Variants in LRBA observed in about 807,000 individuals in gnomAD.
LRBA encodes the protein lipopolysaccharide-responsive and beige-like anchor protein.
In LRBA, 176 loss-of-function variants were observed where a neutral mutation model predicts 330.0. The observed-to-expected ratio is 0.53, with a 90% CI of 0.47 to 0.60. The LOEUF (loss-of-function observed/expected upper bound fraction) is 0.60, where lower values mean the gene tolerates loss of function less well. Among genes scored for constraint, LRBA ranks in the 20% least tolerant of loss-of-function variants. The probability of loss-of-function intolerance (pLI) is 0.00; values close to 1 mark genes in which losing one functional copy is unlikely to be tolerated. For synonymous variants in LRBA, 1,230 were observed against 1,193.0 expected (o/e 1.03, Z -0.64); for missense variants, 3,259 against 3,444.8 (o/e 0.95, Z 1.35).
At chr4:150,541,369 G>A (rs1765303184) in intron 40 of LRBA, among the ~76,000 whole-genome samples, 1 of 152,094 alleles carries the variant, frequency 6.6e-6, no homozygotes, top group African/African-American at 2.4e-5. Context: ...GGAAAAACTG[G>A]GACAGGAGAA....
intron 17 of LRBA, among the ~76,000 whole-genome samples, chr4:150,887,584 C>A (rs1487985572): frequency 6.6e-6 from 1 of 151,690 alleles, no homozygotes; most frequent in Non-Finnish European, 1.5e-5. Flanking sequence ...CTGGCTAATA[C>A]GGTGAAACCC....
At chr4:150,437,497 C>T (rs1462269839) in intron 44 of LRBA, among the ~76,000 whole-genome samples, 5 of 135,248 alleles carry the variant, frequency 3.7e-5, no homozygotes, top group Admixed American at 3.6e-4. Flanking sequence ...CATGAACTCT[C>T]TCTCTCTCTC....
chr4:150,698,330 C>G (rs1050349855), intron 36 of LRBA, among the ~76,000 whole-genome samples: 1 of 151,964 alleles, frequency 6.6e-6, no homozygotes, highest in Non-Finnish European at 1.5e-5. Flanking sequence ...CCAGAAGATA[C>G]CATAAACTGA....
intron 56 of LRBA, 32 bp from the exon 57 acceptor site, chr4:150,265,844 A>G: frequency 7.4e-7 from 1 of 1,346,678 alleles, no homozygotes; most frequent in Non-Finnish European, 1.1e-6. Context: ...GGACTTTTAC[A>G]AACCTGTGTG....
intron 48 of LRBA, among the ~76,000 whole-genome samples, chr4:150,339,873 T>A (rs968397173): frequency 7.4e-5 from 11 of 148,826 alleles, no homozygotes; most frequent in African/African-American, 2.2e-4. Context: ...ATTATGATAA[T>A]ACGGTTTGGC....
intron 40 of LRBA, among the ~76,000 whole-genome samples, chr4:150,528,393 C>G (rs1004812159): frequency 6.6e-6 from 1 of 151,266 alleles, no homozygotes; most frequent in Non-Finnish European, 1.5e-5. Context: ...CTTAGCTACT[C>G]GGGATGCTGA....
intron 44 of LRBA, among the ~76,000 whole-genome samples, chr4:150,465,215 G>A (rs1755295211): frequency 1.3e-5 from 2 of 152,106 alleles, no homozygotes; most frequent in South Asian, 4.2e-4. Flanking sequence ...TATTCATGTT[G>A]TAGCATATGT....
At chr4:150,538,386 T>C (rs575421606) in intron 40 of LRBA, among the ~76,000 whole-genome samples, 2 of 152,236 alleles carry the variant, frequency 1.3e-5, no homozygotes, top group African/African-American at 4.8e-5. Flanking sequence ...GGAATCAACC[T>C]AGATGCCCAG....
At chr4:150,999,746 CCT>C (rs929654447) in intron 2 of LRBA, among the ~76,000 whole-genome samples, 5 of 152,030 alleles carry the variant, frequency 3.3e-5, no homozygotes, top group Non-Finnish European at 7.4e-5. Context: ...TAATATACCC[CCT>C]GAGGCTCCAG....
intron 40 of LRBA, chr4:150,580,873 G>A (rs1347747545): frequency 2.0e-5 from 3 of 152,942 alleles, no homozygotes; most frequent in Non-Finnish European, 4.4e-5. Context: ...TCAATAACAG[G>A]ATAGTTATAG....
At chr4:150,639,588 C>CAA (rs879128535) in intron 37 of LRBA, among the ~76,000 whole-genome samples, 50 of 46,218 alleles carry the variant, frequency 1.1e-3, no homozygotes, top group African/African-American at 3.2e-3. Flanking sequence ...GCAGAAGGAG[C>CAA]AAAAAAAAAA....
chr4:150,727,163 T>A (rs1440365371), intron 36 of LRBA, among the ~76,000 whole-genome samples: 2 of 144,064 alleles, frequency 1.4e-5, no homozygotes, highest in Admixed American at 1.5e-4. Context: ...AACCTCCATC[T>A]TCCACGTTCA....
At chr4:150,420,473 C>A (rs1460178549) in intron 46 of LRBA, among the ~76,000 whole-genome samples, 1 of 65,006 alleles carries the variant, frequency 1.5e-5, no homozygotes, top group Non-Finnish European at 3.0e-5. Context: ...ATATAATACA[C>A]ATTATAATAT....
chr4:150,988,581 T>A (rs1481548447), intron 2 of LRBA, among the ~76,000 whole-genome samples: 1 of 152,098 alleles, frequency 6.6e-6, no homozygotes, highest in Non-Finnish European at 1.5e-5. Context: ...AAACAGAATA[T>A]CAAATTTTTT....
At chr4:150,905,764 CTTAA>C (rs1174260283) in intron 13 of LRBA, 70 bp downstream of exon 13, 6 of 1,313,122 alleles carry the variant, frequency 4.6e-6, no homozygotes, top group African/African-American at 1.5e-5. Context: ...AGAAAATCCT[CTTAA>C]TTATCACTCT....
At chr4:150,469,524 A>G (rs1755836673) in intron 43 of LRBA, among the ~76,000 whole-genome samples, 1 of 152,208 alleles carries the variant, frequency 6.6e-6, no homozygotes, top group Admixed American at 6.5e-5. Flanking sequence ...TGTCCATTAA[A>G]CTTGTTATAT....
At chr4:150,832,061 A>G (rs1207749415) in intron 28 of LRBA, 85 bp from the exon 29 acceptor site, 1 of 759,876 alleles carries the variant, frequency 1.3e-6, no homozygotes, top group African/African-American at 1.8e-5. Flanking sequence ...AATACAAAAC[A>G]TGTTCACAAA....
intron 37 of LRBA, among the ~76,000 whole-genome samples, chr4:150,608,175 C>T (rs928951107): frequency 6.6e-6 from 1 of 152,196 alleles, no homozygotes; most frequent in Non-Finnish European, 1.5e-5. Flanking sequence ...TGTGCCACTG[C>T]ACTCCAGCCC....
At chr4:150,948,512 A>T (rs1228300840) in intron 2 of LRBA, among the ~76,000 whole-genome samples, 1 of 152,046 alleles carries the variant, frequency 6.6e-6, no homozygotes, top group Non-Finnish European at 1.5e-5. Flanking sequence ...ACTTTTTTAA[A>T]AACATAGGAG....
Sources: gnomAD v4.1 joint callset for allele counts (sites outside exome capture counted in the v4.1 genomes callset) on GRCh38, gnomAD v4.1.1 for gene constraint, MANE v1.5 for transcripts, NCBI Gene and HGNC (gene_info 2026-07-23, HGNC 2026-07-21) for gene names.